The following FRYL variants were observed in gnomAD, a reference collection of about 807,000 sequenced individuals.
The protein encoded by FRYL is FRY like transcription coactivator, also known as protein furry homolog-like.
Under a neutral mutation model 351.2 loss-of-function variants are expected in FRYL, and 150 were observed. The ratio of observed to expected loss-of-function variants is 0.43; its 90% CI spans 0.37 to 0.49. FRYL has a LOEUF of 0.49. Among genes scored for constraint, FRYL ranks in the 20% least tolerant of loss-of-function variants. FRYL has a pLI of 0.00. For missense variants in FRYL, 3,036 were observed against 3,619.3 expected (o/e 0.84, Z 4.13); for synonymous variants, 1,153 against 1,257.1 (o/e 0.92, Z 1.75).
At chr4:48,566,280 A>G (rs1270773027) in intron 28 of FRYL, among the ~76,000 whole-genome samples, 2 of 152,226 alleles carry the variant, frequency 1.3e-5, no homozygotes, top group Non-Finnish European at 2.9e-5. Context: ...GAGAAACACC[A>G]AAGTTTGAAA....
intron 3 of FRYL, among the ~76,000 whole-genome samples, chr4:48,677,391 T>C (rs185137579): frequency 1.3e-5 from 2 of 151,926 alleles, no homozygotes; most frequent in African/African-American, 4.8e-5. Flanking sequence ...TAGGAAAAAA[T>C]AACGATTTTT....
At chr4:48,537,172 C>A (rs1484584210) in intron 47 of FRYL, among the ~76,000 whole-genome samples, 3 of 152,028 alleles carry the variant, frequency 2.0e-5, no homozygotes, top group Admixed American at 2.0e-4. Context: ...AAAAAACTTT[C>A]CTGAAGAATA....
intron 47 of FRYL, among the ~76,000 whole-genome samples, chr4:48,536,221 C>T (rs1728847367): frequency 1.3e-5 from 2 of 152,106 alleles, no homozygotes; most frequent in African/African-American, 4.8e-5. Context: ...CAGGGAGGCT[C>T]CGAGCTGCTG....
intron 3 of FRYL, among the ~76,000 whole-genome samples, chr4:48,661,546 A>G (rs1578599314): frequency 6.6e-6 from 1 of 152,116 alleles, no homozygotes; most frequent in South Asian, 2.1e-4. Context: ...CTATCTAAGC[A>G]CTCCTTAAAG....
Position 48,655,823 on chromosome 4 carries a change from T to G in FRYL, c.-80-21333A>C, listed in dbSNP as rs966384763. On this transcript the variant is annotated intron_variant, in intron 3 of 63. Coordinates refer to ENST00000358350, the MANE Select transcript of FRYL (RefSeq NM_015030.2). The stretch of plus-strand genomic sequence containing the variant: ...TAATGTAAAATTATATATACAGAAT[T>G]ATATAATTATATATACTATATATAA... Among the ~76,000 whole-genome samples the G allele has an allele frequency of 2.8e-5, 4 of 143,900 alleles. No homozygotes were observed. In the Admixed American group the frequency reaches 2.8e-4, roughly 10 times the overall value. 94.4% of individuals were successfully genotyped at this position (143,900 alleles called of 152,430 possible).
At position 48,539,198 on chromosome 4, in the gene FRYL, A is replaced by G. The variant is rs1046131372; in HGVS notation, c.6393+773T>C. ...ACAGTATGATTTTTGAAGGTAAAAG[A>G]GCCAAATAAGGAATAAAAAAAGAAT... On this transcript the variant is annotated intron_variant, in intron 47 of 63. Coordinates refer to ENST00000358350, the MANE Select transcript of FRYL (RefSeq NM_015030.2). 1.4e-4 allele frequency among the ~76,000 whole-genome samples: 21 copies of G among 152,184 alleles called. 1 individual carries two copies. The highest frequency in any genetic ancestry group is 1.2e-3 in the Admixed American group (18 of 15,266).
At chr4:48,687,496 G>C (rs1359024633) in intron 2 of FRYL, among the ~76,000 whole-genome samples, 2 of 53,086 alleles carry the variant, frequency 3.8e-5, no homozygotes, top group Non-Finnish European at 9.4e-5. Flanking sequence ...TGAGGTCGGG[G>C]GGGGGGGGGG....
chr4:48,650,903 C>A (rs1412825343), intron 3 of FRYL, among the ~76,000 whole-genome samples: 3 of 152,076 alleles, frequency 2.0e-5, no homozygotes, highest in Admixed American at 1.3e-4. Context: ...GAATGGCAAG[C>A]TGTGGTCAAG....
At chr4:48,775,250 A>G (rs1348735840) in intron 1 of FRYL, among the ~76,000 whole-genome samples, 1 of 152,230 alleles carries the variant, frequency 6.6e-6, no homozygotes, top group East Asian at 1.9e-4. Flanking sequence ...TAATAAGTTC[A>G]CCAAAGGGTG....
intron 3 of FRYL, among the ~76,000 whole-genome samples, chr4:48,669,500 GA>G (rs1762286179): frequency 6.6e-6 from 1 of 151,336 alleles, no homozygotes; most frequent in African/African-American, 2.4e-5. Context: ...GTACATACTG[GA>G]TATACACCAG....
chr4:48,594,103 G>A (rs1293970443), intron 15 of FRYL, 87 bp from the exon 16 acceptor site: 6 of 733,186 alleles, frequency 8.2e-6, no homozygotes, highest in Non-Finnish European at 1.1e-5. Flanking sequence ...ATGACAACAA[G>A]ACAGGTTTGT....
rs1560508248 is a variant in FRYL, at chr4:48,508,540, AC to A, written c.8394+1518del. On this transcript the variant is annotated intron_variant, in intron 59 of 63. Coordinates refer to ENST00000358350, the MANE Select transcript of FRYL (RefSeq NM_015030.2). ...GGTATCTATTGCTTTAAAACCAACC[AC>A]CCTAAAACTTAATGGCTTCAAACAA... Among the ~76,000 whole-genome samples, 4 of 152,234 alleles carry A rather than the reference AC, an allele frequency of 2.6e-5. 1 individual carries two copies. In the East Asian group the frequency reaches 7.7e-4, roughly 29 times the overall value.
At chr4:48,555,660 AG>A in intron 35 of FRYL, among the ~76,000 whole-genome samples, 1 of 152,198 alleles carries the variant, frequency 6.6e-6, no homozygotes, top group Non-Finnish European at 1.5e-5. Flanking sequence ...GCGCAGCTGA[AG>A]GGTGGGAGCA....
At chr4:48,527,885 A>C in intron 52 of FRYL, 86 bp downstream of exon 52, 1 of 1,183,422 alleles carries the variant, frequency 8.5e-7, no homozygotes, top group Non-Finnish European at 1.2e-6. Flanking sequence ...AAGGTAAATT[A>C]GAAAAGGCAA....
At chr4:48,558,804 T>C (rs1181918644) in intron 33 of FRYL, among the ~76,000 whole-genome samples, 2 of 152,150 alleles carry the variant, frequency 1.3e-5, no homozygotes, top group African/African-American at 4.8e-5. Context: ...TGCTGAACAA[T>C]TACCAAATGG....
chr4:48,567,148 A>G lies in FRYL; in HGVS notation c.3169+100T>C. 1.1e-6 allele frequency: 1 copy of G among 934,888 alleles called. No individual in the cohort carries two copies. Among genetic ancestry groups the G allele is most frequent in the Non-Finnish European group, 1.6e-6 (1 of 635,608 alleles). 57.9% of individuals were successfully genotyped at this position (934,888 alleles called of 1,614,324 possible). ...GCTGACATATTTTTCCAGTATGTTC[A>G]TACGTTACTTTATCAACTTAGATTA... On this transcript the variant is annotated intron_variant, in intron 28 of 63. Coordinates refer to ENST00000358350, the MANE Select transcript of FRYL (RefSeq NM_015030.2). The surrounding 1 kb of genome is among the most constrained non-coding windows in gnomAD (Gnocchi z 4.2).
rs181380150 is a variant in FRYL at position 48,543,385 on chromosome 4, T to A, written c.5592+422A>T. Among the ~76,000 whole-genome samples the A allele has an allele frequency of 4.3e-3, 658 of 152,354 alleles. 7 individuals are homozygous for A. The highest frequency in any genetic ancestry group is 0.014 in the African/African-American group (593 of 41,584). On this transcript the variant is annotated intron_variant, in intron 44 of 63. Coordinates refer to ENST00000358350, the MANE Select transcript of FRYL (RefSeq NM_015030.2). ...TTAGGAACTTTGTCTCATTGATCAC[T>A]GTATCCCTGATATTTATAACAGCGT...
At chr4:48,516,645 T>C (rs1723679898) in intron 55 of FRYL, among the ~76,000 whole-genome samples, 1 of 152,208 alleles carries the variant, frequency 6.6e-6, no homozygotes, top group Non-Finnish European at 1.5e-5. Context: ...GCCTTATTCA[T>C]ATGTAAAACT....
chr4:48,632,686 C>T (rs1269163625), intron 4 of FRYL, among the ~76,000 whole-genome samples: 4 of 151,954 alleles, frequency 2.6e-5, no homozygotes, highest in African/African-American at 9.7e-5. Flanking sequence ...AACATCTGCA[C>T]AGTTTTGAAA....
Sources: allele counts gnomAD v4.1 joint callset (sites outside exome capture counted in the v4.1 genomes callset), GRCh38; gene constraint gnomAD v4.1.1; non-coding constraint Gnocchi (gnomAD v3.1); transcripts MANE v1.5; gene names NCBI Gene and HGNC (gene_info 2026-07-23, HGNC 2026-07-21).